The following CA11 variants were observed in gnomAD, a reference collection of about 807,000 sequenced individuals.
CA11 encodes the protein carbonic anhydrase 11 (inactive).
CA11 carries 20 observed loss-of-function variants against 39.3 expected under a neutral mutation model. That is an observed-to-expected ratio of 0.51 (90% CI 0.36 to 0.74). CA11 has a LOEUF of 0.74. CA11 is among the 30% of genes least tolerant of loss of function. CA11 has a pLI of 0.00. For synonymous variants in CA11, 166 were observed against 172.5 expected (o/e 0.96, Z 0.29); for missense variants, 336 against 424.6 (o/e 0.79, Z 1.83).
intron 8 of CA11, chr19:48,638,371 T>C: frequency 1.5e-5 from 1 of 67,868 alleles, no homozygotes; most frequent in Non-Finnish European, 1.7e-5. Context: ...TTGAAGGTCT[T>C]CATGGGGGGG....
At chr19:48,639,733 C>T (rs1273281327) in intron 5 of CA11, 55 bp downstream of exon 5, 4 of 1,591,722 alleles carry the variant, frequency 2.5e-6, no homozygotes, top group Non-Finnish European at 3.4e-6. Context: ...TTCCCTCAGA[C>T]CCCGGGTTCC....
intron 3 of CA11, among the ~76,000 whole-genome samples, chr19:48,641,831 T>G (rs941237034): frequency 6.8e-6 from 1 of 147,620 alleles, no homozygotes; most frequent in Non-Finnish European, 1.5e-5. Flanking sequence ...TTCTTTTTTT[T>G]TTTTTTTTTT....
rs752667275 is a variant in CA11 at position 48,643,468 on chromosome 19, G to A, written c.285+959C>T. On this transcript the variant is annotated intron_variant, in intron 3 of 8. Transcript: ENST00000084798. This position sits in a 1 kb window ranked among gnomAD's most constrained non-coding sequence, Gnocchi z 4.3. ...CGTGATCCACCCACCTCGGCCTCCC[G>A]AAGTGCTGGGGTTACAGGCATGAAC... 2.2e-4 allele frequency among the ~76,000 whole-genome samples: 34 copies of A among 152,050 alleles called. No homozygotes were observed. Among genetic ancestry groups the A allele is most frequent in the Non-Finnish European group, 4.0e-4 (27 of 67,980 alleles).
At chr19:48,640,304 A>AG in intron 3 of CA11, 24 bp from the exon 4 acceptor site, 1 of 1,589,298 alleles carries the variant, frequency 6.3e-7, no homozygotes. Flanking sequence ...GGGAGCTGTC[A>AG]GGGGGCAGGG....
rs1441427590 is a variant in CA11 at position 48,638,095 on chromosome 19, G to C, written c.*24C>G. On this transcript the variant is annotated 3_prime_UTR_variant, in exon 9 of 9. Coordinates refer to ENST00000084798, the MANE Select transcript of CA11 (RefSeq NM_001217.5). ...CCTTGTGGGGAGGCTTAGGACGGGC[G>C]GGTGCAATCCTCGAAGGGGAGTCTC... 18 of 1,453,744 alleles carry C rather than the reference G, an allele frequency of 1.2e-5. No individual in the cohort carries two copies. In the South Asian group the frequency reaches 2.3e-4, roughly 18 times the overall value. The allele number at this position is 1,453,744 out of a possible 1,614,324, so 90.1% of individuals were successfully genotyped here.
In CA11 at chr19:48,644,415, C is replaced by T. The variant is rs1167957295; in HGVS notation, c.285+12G>A. The T allele has an allele frequency of 6.4e-7, 1 of 1,572,376 alleles. No homozygotes were observed. Among genetic ancestry groups the T allele is most frequent in the Non-Finnish European group, 8.7e-7 (1 of 1,155,490 alleles). On this transcript the variant is annotated intron_variant, in intron 3 of 8. Transcript: ENST00000084798. ...CAGTGGGTTCAATAGCTCCTCCCTCCAAGCCCCTTACCTTCTCTCCTCCAG... is the reference window on the plus strand; with the variant it reads ...CAGTGGGTTCAATAGCTCCTCCCTCTAAGCCCCTTACCTTCTCTCCTCCAG...
At chr19:48,645,295 G>A (rs1296821295) in intron 2 of CA11, 108 bp downstream of exon 2, 10 of 944,594 alleles carry the variant, frequency 1.1e-5, no homozygotes, top group East Asian at 2.6e-5. Flanking sequence ...GGAGGGGGCT[G>A]GGACTCCTGG....
At chr19:48,639,939 C>G in intron 4 of CA11, 56 bp from the exon 5 acceptor site, 1 of 1,568,060 alleles carries the variant, frequency 6.4e-7, no homozygotes, top group Non-Finnish European at 8.8e-7. Context: ...GAGCATGACC[C>G]CAGCTTTGGG....
intron 3 of CA11, among the ~76,000 whole-genome samples, chr19:48,641,988 C>T (rs1284543511): frequency 2.6e-5 from 4 of 151,524 alleles, no homozygotes; most frequent in African/African-American, 9.7e-5. Context: ...TTAATGGGGA[C>T]CTGAAGGATA....
intron 1 of CA11, 21 bp downstream of exon 1, chr19:48,645,544 TC>T (rs1286403461): frequency 6.3e-7 from 1 of 1,599,602 alleles, no homozygotes; most frequent in Non-Finnish European, 8.5e-7. Context: ...CGGGGGCTCC[TC>T]CCGGGAACCC....
In CA11 at chr19:48,643,905, C is replaced by G. The variant is rs754318697; in HGVS notation, c.285+522G>C. 5.3e-5 allele frequency among the ~76,000 whole-genome samples: 8 copies of G among 151,912 alleles called. No homozygotes were observed. The highest frequency in any genetic ancestry group is 1.2e-4 in the Non-Finnish European group (8 of 67,994). On this transcript the variant is annotated intron_variant, in intron 3 of 8. Transcript: ENST00000084798. This position sits in a 1 kb window ranked among gnomAD's most constrained non-coding sequence, Gnocchi z 4.3. ...GGTCAGGAGTTCAAGACCAGCCTGA[C>G]CAAAATGGAGAAAACCCATCTCTGC...
intron 6 of CA11, 28 bp downstream of exon 6, chr19:48,639,521 C>A (rs1363741124): frequency 1.2e-6 from 2 of 1,613,850 alleles, no homozygotes; most frequent in Non-Finnish European, 1.7e-6. Flanking sequence ...CGTGTGTGAC[C>A]ACTGCCCCCA....
rs751587856 is a variant in CA11, at chr19:48,644,583, C to T, written c.143-14G>A. On this transcript the variant is annotated splice_polypyrimidine_tract_variant and intron_variant, in intron 2 of 8. Transcript: ENST00000084798. Reference sequence around the variant, plus strand: ...AGAAAGGAGGCCCTGGGGGTGGGGTCGGAGTAGGAGGACAAGGAGTCAGAA... The same window carrying T: ...AGAAAGGAGGCCCTGGGGGTGGGGTTGGAGTAGGAGGACAAGGAGTCAGAA... 2.8e-5 allele frequency: 44 copies of T among 1,559,952 alleles called. No individual in the cohort carries two copies. In the South Asian group the frequency reaches 4.1e-4, roughly 15 times the overall value.
At chr19:48,638,423 T>A in intron 8 of CA11, 1 of 938,808 alleles carries the variant, frequency 1.1e-6, no homozygotes, top group Non-Finnish European at 1.3e-6. Flanking sequence ...CGGGGGTGTG[T>A]GAGATTCCTG....
intron 3 of CA11, among the ~76,000 whole-genome samples, chr19:48,641,354 G>A (rs1234190810): frequency 6.6e-6 from 1 of 152,214 alleles, no homozygotes; most frequent in Non-Finnish European, 1.5e-5. Flanking sequence ...TTTGTAAGTT[G>A]GTGCCCAATA....
chr19:48,640,081 T>G lies in CA11; in HGVS notation c.471+14A>C. 2.5e-6 allele frequency: 4 copies of G among 1,607,814 alleles called. No homozygotes were observed. Among genetic ancestry groups the G allele is most frequent in the Non-Finnish European group, 3.4e-6 (4 of 1,175,190 alleles). On this transcript the variant is annotated intron_variant, in intron 4 of 8. Transcript: ENST00000084798. ...AGGGCGGAGGGTGGCGGGTAAACAATCAGTGGCCACTACCTCAGCAGAGAA... is the reference window on the plus strand; with the variant it reads ...AGGGCGGAGGGTGGCGGGTAAACAAGCAGTGGCCACTACCTCAGCAGAGAA...
At position 48,644,500 on chromosome 19, in the gene CA11, A is replaced by C. The variant is rs1206733874; in HGVS notation, c.212T>G (p.Val71Gly). 1.2e-6 allele frequency: 2 copies of C among 1,612,012 alleles called. No homozygotes were observed. The highest frequency in any genetic ancestry group is 1.7e-6 in the Non-Finnish European group (2 of 1,178,662). The change falls in exon 3 of 9, where the codon GTG (valine) becomes GGG (glycine). Residue 71 changes from valine to glycine, a missense_variant. Transcript: ENST00000084798. Reference protein sequence around the residue: ...LCAVGKRQSPVDVELKRVLYD... With the variant: ...LCAVGKRQSPGDVELKRVLYD... ...AAGAACCCTCTTCAGCTCCACATCC[A>C]CGGGGCTCTGCCGCTTCCCCACAGC...
rs2147718055 is a variant in CA11, at chr19:48,639,639, G to A, written c.568-18C>T. 1 of 1,613,368 alleles carries A rather than the reference G, an allele frequency of 6.2e-7. No homozygotes were observed. ...CTGGCAACCTGTGTGGGGGTACGAGGTGAGGACACAGGAGCCCAGAAGTCC... is the reference window on the plus strand; with the variant it reads ...CTGGCAACCTGTGTGGGGGTACGAGATGAGGACACAGGAGCCCAGAAGTCC... On this transcript the variant is annotated intron_variant, in intron 5 of 8. Transcript: ENST00000084798.
intron 2 of CA11, among the ~76,000 whole-genome samples, chr19:48,644,875 G>C (rs762982759): frequency 1.3e-5 from 2 of 152,044 alleles, no homozygotes; most frequent in Non-Finnish European, 2.9e-5. Context: ...GATTTCAAGC[G>C]TGAGCCACCG....
Sources: gnomAD v4.1 joint callset for allele counts (sites outside exome capture counted in the v4.1 genomes callset) on GRCh38, gnomAD v4.1.1 for gene constraint, Gnocchi (gnomAD v3.1) non-coding constraint, MANE v1.5 for transcripts, NCBI Gene and HGNC (gene_info 2026-07-23, HGNC 2026-07-21) for gene names.